Variants in IGF1 observed in about 807,000 individuals in gnomAD.
The protein encoded by IGF1 is insulin like growth factor 1.
A neutral mutation model predicts 13.8 loss-of-function variants in IGF1; 4 were observed. The ratio of observed to expected loss-of-function variants is 0.29; its 90% CI spans 0.14 to 0.66. The LOEUF is 0.66. Among genes scored for constraint, IGF1 ranks in the 30% least tolerant of loss-of-function variants. IGF1 has a pLI of 0.78. For synonymous variants in IGF1, 76 were observed against 72.6 expected (o/e 1.05, Z -0.23); for missense variants, 124 against 188.5 (o/e 0.66, Z 2.00).
chr12:102,473,112 TAG>T (rs1373929678), intron 2 of IGF1, among the ~76,000 whole-genome samples: 1 of 152,238 alleles, frequency 6.6e-6, no homozygotes, highest in Non-Finnish European at 1.5e-5. Flanking sequence ...GGCTATGAGC[TAG>T]ACACTTGGAT....
chr12:102,441,906 G>GCTGCTGCTTCTTCTTGTTCTTCTT, intron 2 of IGF1, among the ~76,000 whole-genome samples: 1 of 100,292 alleles, frequency 1.0e-5, no homozygotes. Context: ...CTATTACACT[G>GCTGCTGCTTCTTCTTGTTCTTCTT]CTTCTTCTCC....
At chr12:102,407,094 C>CAAAAAAAAAA (rs57468885) in intron 3 of IGF1, among the ~76,000 whole-genome samples, 26 of 100,984 alleles carry the variant, frequency 2.6e-4, no homozygotes, top group Non-Finnish European at 4.2e-4. Flanking sequence ...ACTCTGTCTC[C>CAAAAAAAAAA]AAAAAAAAAA....
intron 2 of IGF1, among the ~76,000 whole-genome samples, chr12:102,447,779 G>C (rs1482339725): frequency 1.3e-5 from 2 of 152,096 alleles, no homozygotes; most frequent in African/African-American, 4.8e-5. Context: ...ACTCAAGATG[G>C]ATTAAAGACT....
intron 1 of IGF1, among the ~76,000 whole-genome samples, chr12:102,477,797 A>C (rs1443364220): frequency 6.6e-6 from 1 of 152,130 alleles, no homozygotes; most frequent in Non-Finnish European, 1.5e-5. Context: ...CTGCAACTGT[A>C]GATGCCTTCA....
intron 3 of IGF1, 151 bp from the exon 4 acceptor site, chr12:102,402,717 A>G (rs950260750): frequency 1.5e-6 from 1 of 685,878 alleles, no homozygotes; most frequent in Non-Finnish European, 2.7e-6. Flanking sequence ...AAGGGCATGT[A>G]TAGGTGGACA....
At chr12:102,438,292 G>A (rs1031283534) in intron 2 of IGF1, among the ~76,000 whole-genome samples, 2 of 152,136 alleles carry the variant, frequency 1.3e-5, no homozygotes, top group Admixed American at 1.3e-4. Context: ...TTGGCTGCTG[G>A]TGATTTGGAA....
At chr12:102,408,045 A>G (rs1017296597) in intron 3 of IGF1, among the ~76,000 whole-genome samples, 67 of 152,254 alleles carry the variant, frequency 4.4e-4, no homozygotes, top group African/African-American at 1.5e-3. Context: ...GAAGTCTAGG[A>G]AAAGCCTGGC....
At chr12:102,418,080 C>G in intron 3 of IGF1, 1 of 1,480,554 alleles carries the variant, frequency 6.8e-7, no homozygotes, top group African/African-American at 1.4e-5. Flanking sequence ...TCAGAATGCC[C>G]AGGCTCCATA....
At chr12:102,440,464 C>G (rs926372909) in intron 2 of IGF1, among the ~76,000 whole-genome samples, 1 of 152,226 alleles carries the variant, frequency 6.6e-6, no homozygotes, top group Non-Finnish European at 1.5e-5. Flanking sequence ...AATCAGGAAA[C>G]TGAGAACTTG....
At chr12:102,417,364 C>T (rs1875234882) in intron 3 of IGF1, 1 of 233,040 alleles carries the variant, frequency 4.3e-6, no homozygotes, top group African/African-American at 2.3e-5. Flanking sequence ...AATCTGGGAA[C>T]TTCTATGACA....
intron 2 of IGF1, among the ~76,000 whole-genome samples, chr12:102,438,324 C>T: frequency 6.6e-6 from 1 of 152,186 alleles, no homozygotes; most frequent in East Asian, 1.9e-4. Context: ...ATGCCAAATC[C>T]TATGTCAAAG....
intron 2 of IGF1, among the ~76,000 whole-genome samples, chr12:102,457,892 G>A (rs961462675): frequency 3.3e-5 from 5 of 152,152 alleles, no homozygotes; most frequent in African/African-American, 1.2e-4. Flanking sequence ...GTTCATGAAC[G>A]TTAGTTTTCT....
At chr12:102,462,222 C>T (rs941951529) in intron 2 of IGF1, among the ~76,000 whole-genome samples, 8 of 152,186 alleles carry the variant, frequency 5.3e-5, no homozygotes, top group Admixed American at 1.3e-4. Context: ...ACAAGAGATA[C>T]AAGAGATTGT....
At chr12:102,454,652 C>G (rs1192219825) in intron 2 of IGF1, among the ~76,000 whole-genome samples, 1 of 152,202 alleles carries the variant, frequency 6.6e-6, no homozygotes, top group Non-Finnish European at 1.5e-5. Flanking sequence ...CTTATTTCCT[C>G]AATTTTGAAA....
rs5742701 is a variant in IGF1 at position 102,401,723 on chromosome 12, T to G, written c.*784A>C. 16 of 152,780 alleles carry G rather than the reference T, an allele frequency of 1.0e-4. No individual in the cohort carries two copies. In the South Asian group the frequency reaches 3.1e-3, roughly 30 times the overall value. 9.5% of individuals were successfully genotyped at this position (152,780 alleles called of 1,614,324 possible). On this transcript the variant is annotated 3_prime_UTR_variant, in exon 4 of 4. Coordinates refer to ENST00000337514, the MANE Select transcript of IGF1 (RefSeq NM_000618.5). Reference sequence around the variant, plus strand: ...AAAAGAGGAAAGTTACTAATTAGGTTGCACATTAACTCATCATTTGAAGGA... The same window carrying G: ...AAAAGAGGAAAGTTACTAATTAGGTGGCACATTAACTCATCATTTGAAGGA...
At chr12:102,462,499 C>T (rs1879984185) in intron 2 of IGF1, among the ~76,000 whole-genome samples, 1 of 152,068 alleles carries the variant, frequency 6.6e-6, no homozygotes, top group Non-Finnish European at 1.5e-5. Flanking sequence ...TTACTGAACC[C>T]CCATCTGACT....
chr12:102,475,927 G>T, intron 1 of IGF1, 128 bp from the exon 2 acceptor site: 1 of 974,122 alleles, frequency 1.0e-6, no homozygotes, highest in Non-Finnish European at 1.6e-6. Flanking sequence ...CAGCACAGAA[G>T]CCAATAGAGT....
chr12:102,445,428 A>T (rs1878230042), intron 2 of IGF1, among the ~76,000 whole-genome samples: 1 of 152,178 alleles, frequency 6.6e-6, no homozygotes, highest in South Asian at 2.1e-4. Flanking sequence ...AGTGGTTTGT[A>T]GTTCTCCTTG....
chr12:102,441,906 G>GCTGCTGCTGCCTCTTCTTCTT, intron 2 of IGF1, among the ~76,000 whole-genome samples: 46 of 100,344 alleles, frequency 4.6e-4, no homozygotes, highest in Non-Finnish European at 5.8e-4. Context: ...CTATTACACT[G>GCTGCTGCTGCCTCTTCTTCTT]CTTCTTCTCC....
Sources: gnomAD v4.1 joint callset for allele counts (sites outside exome capture counted in the v4.1 genomes callset) on GRCh38, gnomAD v4.1.1 for gene constraint, MANE v1.5 for transcripts, NCBI Gene and HGNC (gene_info 2026-07-23, HGNC 2026-07-21) for gene names.